The following STEAP1B variants were observed in gnomAD, a reference collection of about 807,000 sequenced individuals.
STEAP1B encodes the protein STEAP family member 1B.
In STEAP1B, 13 loss-of-function variants were observed where a neutral mutation model predicts 27.9. That is an observed-to-expected ratio of 0.47 (90% CI 0.30 to 0.74). The LOEUF is 0.74. Among genes scored for constraint, STEAP1B ranks in the 30% least tolerant of loss-of-function variants. STEAP1B has a pLI of 0.06. For synonymous variants in STEAP1B, 86 were observed against 107.1 expected (o/e 0.80, Z 1.22); for missense variants, 250 against 298.7 (o/e 0.84, Z 1.20).
At chr7:22,429,854 C>T (rs930244727) in intron 4 of STEAP1B, among the ~76,000 whole-genome samples, 1 of 152,106 alleles carries the variant, frequency 6.6e-6, no homozygotes, top group Non-Finnish European at 1.5e-5. Flanking sequence ...AGTAGTGTGT[C>T]CAATGGGCTT....
chr7:22,496,540 T>A (rs139045161), intron 1 of STEAP1B, among the ~76,000 whole-genome samples: 1 of 152,180 alleles, frequency 6.6e-6, no homozygotes, highest in Non-Finnish European at 1.5e-5. Flanking sequence ...TGTACAAATA[T>A]ACAATTTTTT....
At chr7:22,459,558 T>A (rs1785643253) in intron 4 of STEAP1B, among the ~76,000 whole-genome samples, 1 of 152,214 alleles carries the variant, frequency 6.6e-6, no homozygotes, top group African/African-American at 2.4e-5. Context: ...AACAACAAAA[T>A]ACGGCAAAAG....
At chr7:22,438,117 A>C (rs1241032957) in intron 4 of STEAP1B, among the ~76,000 whole-genome samples, 1 of 152,016 alleles carries the variant, frequency 6.6e-6, no homozygotes. Flanking sequence ...TTTACCTGAC[A>C]ATTTTCAACC....
chr7:22,428,763 G>A (rs1785141725), intron 4 of STEAP1B, among the ~76,000 whole-genome samples: 1 of 152,046 alleles, frequency 6.6e-6, no homozygotes, highest in Non-Finnish European at 1.5e-5. Flanking sequence ...CGGCACTCCA[G>A]CCTGGTGACA....
intron 4 of STEAP1B, among the ~76,000 whole-genome samples, chr7:22,484,465 A>C (rs1247596303): frequency 2.6e-5 from 4 of 152,206 alleles, no homozygotes; most frequent in Admixed American, 2.6e-4. Flanking sequence ...CACTGTTGAG[A>C]CCTACTGCTC....
intron 4 of STEAP1B, among the ~76,000 whole-genome samples, chr7:22,479,043 G>A (rs1490735238): frequency 6.6e-6 from 1 of 152,192 alleles, no homozygotes; most frequent in Non-Finnish European, 1.5e-5. Context: ...CTAGGAGGCT[G>A]CCTGCCAAAG....
chr7:22,433,484 T>C (rs1167578082), intron 4 of STEAP1B, among the ~76,000 whole-genome samples: 1 of 129,018 alleles, frequency 7.8e-6, no homozygotes, highest in African/African-American at 3.0e-5. Flanking sequence ...CTCCACATAA[T>C]GACTCATTGT....
chr7:22,428,899 T>C (rs1785143588), intron 4 of STEAP1B, among the ~76,000 whole-genome samples: 2 of 152,184 alleles, frequency 1.3e-5, no homozygotes, highest in South Asian at 4.1e-4. Flanking sequence ...AAGGTGTAAA[T>C]AGGCCTTTCA....
chr7:22,458,372 G>A (rs943605051), intron 4 of STEAP1B, among the ~76,000 whole-genome samples: 7 of 152,216 alleles, frequency 4.6e-5, no homozygotes, highest in African/African-American at 1.7e-4. Flanking sequence ...CCAGGGAGGA[G>A]GAGGAGTTGA....
chr7:22,471,372 C>A (rs1785880981), intron 4 of STEAP1B, among the ~76,000 whole-genome samples: 1 of 152,122 alleles, frequency 6.6e-6, no homozygotes, highest in Non-Finnish European at 1.5e-5. Flanking sequence ...GACTCCGATC[C>A]CTGAAAGTGT....
At chr7:22,421,362 T>C (rs146947467) in intron 4 of STEAP1B, among the ~76,000 whole-genome samples, 25 of 152,358 alleles carry the variant, frequency 1.6e-4, no homozygotes, top group African/African-American at 5.3e-4. Flanking sequence ...CTGAGCAACA[T>C]TGTGTTTCAA....
intron 4 of STEAP1B, among the ~76,000 whole-genome samples, chr7:22,470,134 G>A (rs533448443): frequency 1.3e-5 from 2 of 152,270 alleles, no homozygotes; most frequent in African/African-American, 4.8e-5. Flanking sequence ...TCCAATTAAA[G>A]TCTCCTTGGA....
rs1334147578 is a variant in STEAP1B at position 22,450,603 on chromosome 7, T to TG, written c.763-30768_763-30767insC. Among the ~76,000 whole-genome samples the TG allele has an allele frequency of 7.9e-5, 12 of 151,892 alleles. No individual in the cohort carries two copies. The South Asian group carries it at 1.0e-3, about 13-fold the overall frequency. On this transcript the variant is annotated intron_variant, in intron 4 of 4. Transcript: ENST00000678116. ...TAATGTGATTCCTGTAGTTTTGTTT[T>TG]TTTTTTTTTGCTTAGGATGGCTTTG... is the stretch of plus-strand genomic sequence containing the variant.
chr7:22,449,795 T>C (rs1322002899), intron 4 of STEAP1B, among the ~76,000 whole-genome samples: 1 of 152,248 alleles, frequency 6.6e-6, no homozygotes, highest in Non-Finnish European at 1.5e-5. Flanking sequence ...CTCCGTATCT[T>C]TGCCAGCATT....
rs148742941 is a variant in STEAP1B at position 22,464,658 on chromosome 7, A to G, written c.762+27907T>C. ...ATAAGAGGAGGAAATTTGGACACAA[A>G]GAGACACATCAGAGATGCACGCACA... On this transcript the variant is annotated intron_variant, in intron 4 of 4. Transcript: ENST00000678116. Among the ~76,000 whole-genome samples the G allele has an allele frequency of 1.7e-3, 251 of 152,044 alleles. 1 individual carries two copies. The highest frequency in any genetic ancestry group is 5.6e-3 in the African/African-American group (233 of 41,468).
At chr7:22,475,570 A>G (rs1329875674) in intron 4 of STEAP1B, among the ~76,000 whole-genome samples, 4 of 152,178 alleles carry the variant, frequency 2.6e-5, no homozygotes, top group Non-Finnish European at 5.9e-5. Context: ...GGGCCTTGCT[A>G]TGTTGCCCAG....
At chr7:22,424,704 G>C (rs892978165) in intron 4 of STEAP1B, among the ~76,000 whole-genome samples, 2 of 152,018 alleles carry the variant, frequency 1.3e-5, no homozygotes, top group African/African-American at 4.8e-5. Flanking sequence ...TTCAATTGAG[G>C]AGTATTTATA....
chr7:22,456,621 G>A (rs1785582151), intron 4 of STEAP1B, among the ~76,000 whole-genome samples: 1 of 152,086 alleles, frequency 6.6e-6, no homozygotes, highest in Non-Finnish European at 1.5e-5. Flanking sequence ...ATGGATGTTG[G>A]TGTTGATGAT....
rs754118834 is a variant in STEAP1B at position 22,492,699 on chromosome 7, C to T, written c.628G>A (p.Glu210Lys). 15 of 1,602,700 alleles carry T rather than the reference C, an allele frequency of 9.4e-6. No individual in the cohort carries two copies. The highest frequency in any genetic ancestry group is 1.3e-5 in the Non-Finnish European group (15 of 1,177,080). ...ATCTCCATTCTCCAAACATCATGCT[C>T]AATCCAGGCATCTTCTTTATTTTGT... ...VQQNKEDAWI[E>K]HDVWRMEIYV... The change falls in exon 4 of 5, where the codon GAG becomes AAG. Residue 210 changes from glutamate to lysine, a missense_variant. By Grantham distance (56) the Glu-to-Lys change is moderately conservative. Transcript: ENST00000678116.
Sources: gnomAD v4.1 joint callset for allele counts (sites outside exome capture counted in the v4.1 genomes callset) on GRCh38, gnomAD v4.1.1 for gene constraint, MANE v1.5 for transcripts, NCBI Gene and HGNC (gene_info 2026-07-23, HGNC 2026-07-21) for gene names.